Variants in ERICH1 observed in about 807,000 individuals in gnomAD.
ERICH1 encodes the protein glutamate rich 1.
Under a neutral mutation model 39.6 loss-of-function variants are expected in ERICH1, and 56 were observed. That is an observed-to-expected ratio of 1.41 (90% CI 1.14 to 1.77). ERICH1 has a LOEUF of 1.77. ERICH1 is among the 40% of genes most tolerant of loss of function. The pLI is 0.00. For synonymous variants in ERICH1, 313 were observed against 223.6 expected, an observed-to-expected ratio of 1.40 and a Z score of -3.57; for missense variants, 826 against 575.4, an observed-to-expected ratio of 1.44 and a Z score of -4.45.
chr8:673,532 C>T lies in ERICH1; in HGVS notation c.820G>A (p.Gly274Ser), dbSNP rs201920088. The T allele has an allele frequency of 7.4e-6, 12 of 1,613,048 alleles. No individual in the cohort carries two copies. Among genetic ancestry groups the T allele is most frequent in the African/African-American group, 5.3e-5 (4 of 74,900 alleles). The change falls in exon 4 of 6, where the codon GGT (glycine) becomes AGT (serine). Residue 274 changes from glycine to serine, a missense_variant. Gly to Ser is a moderately conservative substitution (Grantham distance 56, BLOSUM62 0). Coordinates refer to ENST00000262109, the MANE Select transcript of ERICH1 (RefSeq NM_207332.3). The part of the protein sequence containing the change: ...EDVKDAREED[G>S]VDTIEEDLTR... ...AGGTCTTCCTCAATGGTGTCCACAC[C>T]GTCCTCCTCCCTGGCGTCTTTAACG...
At chr8:730,273 C>T (rs182895597) in intron 1 of ERICH1, among the ~76,000 whole-genome samples, 31 of 152,302 alleles carry the variant, frequency 2.0e-4, no homozygotes, top group Admixed American at 1.0e-3. Context: ...GACTTGAGAC[C>T]ATATTTTTCT....
intron 3 of ERICH1, among the ~76,000 whole-genome samples, chr8:658,116 G>C (rs1563197111): frequency 6.6e-6 from 1 of 152,224 alleles, no homozygotes; most frequent in Non-Finnish European, 1.5e-5. Flanking sequence ...GTGCCCAAGT[G>C]GCCTCTGGCT....
chr8:695,323 C>A (rs1390371200), intron 2 of ERICH1, among the ~76,000 whole-genome samples: 1 of 152,072 alleles, frequency 6.6e-6, no homozygotes, highest in East Asian at 1.9e-4. Flanking sequence ...AGCCCTTGCC[C>A]TTGCTTCACC....
intron 2 of ERICH1, among the ~76,000 whole-genome samples, chr8:698,045 G>A (rs371169409): frequency 1.3e-5 from 2 of 152,154 alleles, no homozygotes; most frequent in Non-Finnish European, 2.9e-5. Context: ...CCTCGGACCC[G>A]GGGGTGGGTG....
chr8:693,163 C>A lies in ERICH1; in HGVS notation c.170-551G>T, dbSNP rs149295073. On this transcript the variant is annotated intron_variant, in intron 2 of 5. Coordinates refer to ENST00000262109, the MANE Select transcript of ERICH1 (RefSeq NM_207332.3). ...TACAAACAGACACAGAGACACCATG[C>A]ACAGCCACAGACCACACACACAGGG... 4.0e-3 allele frequency among the ~76,000 whole-genome samples: 613 copies of A among 151,990 alleles called. 6 individuals carry two copies. Among genetic ancestry groups the A allele is most frequent in the African/African-American group, 0.014 (576 of 41,438 alleles).
At chr8:717,930 G>A (rs182885265) in intron 1 of ERICH1, among the ~76,000 whole-genome samples, 2 of 152,378 alleles carry the variant, frequency 1.3e-5, no homozygotes, top group East Asian at 1.9e-4. Context: ...GCCAGGAGAC[G>A]CTGGGCCCAA....
At chr8:689,829 C>T (rs1255523005) in intron 3 of ERICH1, among the ~76,000 whole-genome samples, 2 of 152,114 alleles carry the variant, frequency 1.3e-5, no homozygotes, top group African/African-American at 4.8e-5. Flanking sequence ...TCCCAGCTGC[C>T]CAGAGGAATG....
intron 4 of ERICH1, among the ~76,000 whole-genome samples, chr8:672,929 T>G (rs112727641): frequency 6.6e-6 from 1 of 152,222 alleles, no homozygotes. Flanking sequence ...ATTTATCTCT[T>G]GTTTAGAAAA....
intron 5 of ERICH1, 183 bp downstream of exon 5, chr8:668,415 T>C (rs1259504756): frequency 1.6e-6 from 1 of 633,922 alleles, no homozygotes; most frequent in African/African-American, 1.8e-5. Context: ...TTATGTGAAA[T>C]ATTTTTATAT....
At chr8:628,850 C>G (rs1349331296) in intron 3 of ERICH1, among the ~76,000 whole-genome samples, 4 of 152,184 alleles carry the variant, frequency 2.6e-5, no homozygotes, top group Non-Finnish European at 1.5e-5. Context: ...AACAAGCCCC[C>G]TCTCCCAGCT....
intron 2 of ERICH1, among the ~76,000 whole-genome samples, chr8:712,291 G>A (rs934221865): frequency 6.6e-6 from 1 of 152,038 alleles, no homozygotes; most frequent in Non-Finnish European, 1.5e-5. Flanking sequence ...TGGAATATCT[G>A]TTCAATTTTT....
chr8:716,126 C>T, intron 1 of ERICH1, 119 bp from the exon 2 acceptor site: 2 of 1,270,396 alleles, frequency 1.6e-6, no homozygotes, highest in Non-Finnish European at 2.1e-6. Flanking sequence ...CCAACGGAGA[C>T]CCAAGTCCCT....
At chr8:703,970 A>G (rs1273980191) in intron 2 of ERICH1, among the ~76,000 whole-genome samples, 3 of 152,186 alleles carry the variant, frequency 2.0e-5, no homozygotes, top group Admixed American at 6.5e-5. Context: ...CTGCACCCAC[A>G]TGAAGGCCAG....
At chr8:638,302 A>C (rs753675104) in intron 3 of ERICH1, among the ~76,000 whole-genome samples, 1 of 152,170 alleles carries the variant, frequency 6.6e-6, no homozygotes, top group Non-Finnish European at 1.5e-5. Context: ...CTGGGGCTCG[A>C]TGGGAAGCTC....
At chr8:709,804 T>C (rs540138665) in intron 2 of ERICH1, among the ~76,000 whole-genome samples, 2 of 152,176 alleles carry the variant, frequency 1.3e-5, no homozygotes, top group Non-Finnish European at 2.9e-5. Context: ...ACAGATATTA[T>C]TTTTTCACTT....
Position 689,486 on chromosome 8 carries a change from A to T in ERICH1, c.304+2992T>A, listed in dbSNP as rs550548130. On this transcript the variant is annotated intron_variant, in intron 3 of 5. Transcript: ENST00000262109. ...GACTGATCAATTCCTGTGTTCCCTG[A>T]ACGAGGCTTTCAGATGCTGGCGGTG... Among the ~76,000 whole-genome samples the T allele has an allele frequency of 7.2e-4, 110 of 152,344 alleles. 2 individuals are homozygous for T. Among genetic ancestry groups the T allele is most frequent in the Admixed American group, 7.0e-3 (107 of 15,298 alleles).
chr8:654,513 A>AT (rs2117371382), intron 3 of ERICH1, among the ~76,000 whole-genome samples: 1 of 152,318 alleles, frequency 6.6e-6, no homozygotes, highest in South Asian at 2.1e-4. Context: ...CTGTGACATT[A>AT]TGTTTTATGT....
At chr8:694,950 G>C (rs1809799195) in intron 2 of ERICH1, among the ~76,000 whole-genome samples, 1 of 152,126 alleles carries the variant, frequency 6.6e-6, no homozygotes, top group Non-Finnish European at 1.5e-5. Context: ...GTCAGGGTCA[G>C]AGAGGGGCAG....
At chr8:668,532 C>G (rs1239855449) in intron 5 of ERICH1, 66 bp downstream of exon 5, 2 of 1,581,932 alleles carry the variant, frequency 1.3e-6, no homozygotes, top group Admixed American at 3.3e-5. Context: ...GCGTGTAAGT[C>G]TTTCAGAGGC....
Sources: allele counts gnomAD v4.1 joint callset (sites outside exome capture counted in the v4.1 genomes callset), GRCh38; gene constraint gnomAD v4.1.1; transcripts MANE v1.5; gene names NCBI Gene and HGNC (gene_info 2026-07-23, HGNC 2026-07-21).